Variants in PPIE observed in about 807,000 individuals in gnomAD.
The protein encoded by PPIE is peptidylprolyl isomerase E.
PPIE carries 20 observed loss-of-function variants against 38.4 expected under a neutral mutation model. The ratio of observed to expected loss-of-function variants is 0.52; its 90% CI spans 0.37 to 0.76. PPIE has a LOEUF of 0.76. PPIE is among the 30% of genes least tolerant of loss of function. PPIE has a pLI of 0.00. For synonymous variants in PPIE, 142 were observed against 135.7 expected (o/e 1.05, Z -0.32); for missense variants, 322 against 385.8 (o/e 0.83, Z 1.39).
At position 39,756,307 on chromosome 1, in the gene PPIE, A is replaced by G. The variant is rs1234888942; in HGVS notation, c.*2952A>G. 2.9e-5 allele frequency: 29 copies of G among 985,202 alleles called. No individual in the cohort carries two copies. The highest frequency in any genetic ancestry group is 3.5e-5 in the African/African-American group (2 of 57,194). 61.0% of individuals were successfully genotyped at this position (985,202 alleles called of 1,614,324 possible). ...ACTGGCCTCCCCATTCCACATTCCC[A>G]TTGCTGGACCAGCACCAGGACTGGG... On this transcript the variant is annotated 3_prime_UTR_variant, in exon 10 of 10. Coordinates refer to ENST00000324379, the MANE Select transcript of PPIE (RefSeq NM_006112.4).
chr1:39,743,127 CA>C, intron 4 of PPIE, 88 bp from the exon 5 acceptor site: 6 of 1,159,312 alleles, frequency 5.2e-6, no homozygotes, highest in Non-Finnish European at 7.7e-6. Flanking sequence ...GAGGACAAAT[CA>C]TGAGTGTGTC....
chr1:39,744,243 T>A (rs929526419), intron 6 of PPIE, among the ~76,000 whole-genome samples: 1 of 152,232 alleles, frequency 6.6e-6, no homozygotes, highest in Non-Finnish European at 1.5e-5. Flanking sequence ...TCACCCCTCC[T>A]GATCAGTCCC....
rs1252131975 is a variant in PPIE at position 39,755,769 on chromosome 1, C to T, written c.*2414C>T. ...TTGGAGCCATTGGGTGTGGACTCCT[C>T]TCCCAGTGTTCCTCCTGGGTGTTCA... On this transcript the variant is annotated 3_prime_UTR_variant, in exon 10 of 10. Transcript: ENST00000324379. The T allele has an allele frequency of 1.2e-5, 12 of 985,270 alleles. No homozygotes were observed. The highest frequency in any genetic ancestry group is 1.4e-5 in the Non-Finnish European group (12 of 829,910). 61.0% of individuals were successfully genotyped at this position (985,270 alleles called of 1,614,324 possible). A position where few individuals can be genotyped will look rare whatever the true frequency, so the allele number is the denominator to read the frequency against.
chr1:39,738,969 C>G, intron 1 of PPIE, 38 bp downstream of exon 1: 1 of 1,428,672 alleles, frequency 7.0e-7, no homozygotes. Context: ...TCTGAGTGAA[C>G]GCGACCCCCA....
chr1:39,755,969 G>C lies in PPIE; in HGVS notation c.*2614G>C. On this transcript the variant is annotated 3_prime_UTR_variant, in exon 10 of 10. Coordinates refer to ENST00000324379, the MANE Select transcript of PPIE (RefSeq NM_006112.4). ...TTACTAGGCTTTAGCCTCAATCTGT[G>C]GCGGCAGGGTCCACAGCCCTGGGGA... is the stretch of plus-strand genomic sequence containing the variant. The C allele has an allele frequency of 2.0e-6, 2 of 985,382 alleles. No homozygotes were observed. The highest frequency in any genetic ancestry group is 2.4e-6 in the Non-Finnish European group (2 of 829,916). 61.0% of individuals were successfully genotyped at this position (985,382 alleles called of 1,614,324 possible). A position where few individuals can be genotyped will look rare whatever the true frequency, so the allele number is the denominator to read the frequency against.
intron 3 of PPIE, 135 bp downstream of exon 3, chr1:39,741,544 T>C (rs1569633620): frequency 2.2e-6 from 2 of 925,168 alleles, no homozygotes; most frequent in East Asian, 4.8e-5. Flanking sequence ...GTAAGTGCTG[T>C]TCTAAGGAAA....
chr1:39,748,879 C>A (rs752957061), intron 7 of PPIE, 24 bp from the exon 8 acceptor site: 1 of 1,602,530 alleles, frequency 6.2e-7, no homozygotes, highest in Middle Eastern at 1.9e-4. Flanking sequence ...TTAACCCCAG[C>A]GCTTTTTCCT....
chr1:39,761,829 A>G (rs79228949), intron 9 of PPIE, among the ~76,000 whole-genome samples: 10,153 of 152,282 alleles, frequency 0.067, 372 homozygotes, highest in Middle Eastern at 0.16. Flanking sequence ...CGTCACCTCC[A>G]CGGTTGTTTT....
chr1:39,752,846 C>T lies in PPIE; in HGVS notation c.695-64C>T. On this transcript the variant is annotated intron_variant, in intron 8 of 9. Coordinates refer to ENST00000324379, the MANE Select transcript of PPIE (RefSeq NM_006112.4). ...TGGCTGAAGGGCTGTCAACAGCCTG[C>T]ACAGACGTCCTTTAAGGGCTGGTAG... 4 of 1,568,048 alleles carry T rather than the reference C, an allele frequency of 2.6e-6. No individual in the cohort carries two copies. The South Asian group carries it at 4.8e-5, about 19-fold the overall frequency.
intron 9 of PPIE, chr1:39,763,254 T>C: frequency 6.6e-7 from 1 of 1,525,696 alleles, no homozygotes; most frequent in Non-Finnish European, 9.0e-7. Context: ...TCCCTGAGCC[T>C]CAGGGCCCAA....
chr1:39,756,988 G>C (rs7553968), downstream of PPIE, among the ~76,000 whole-genome samples: 19,849 of 152,174 alleles, frequency 0.13, 1,346 homozygotes, highest in East Asian at 0.16. Flanking sequence ...CAAGACACCT[G>C]GTGGGTACAG....
chr1:39,739,542 CATG>C (rs1647006184), intron 1 of PPIE, among the ~76,000 whole-genome samples: 1 of 152,288 alleles, frequency 6.6e-6, no homozygotes, highest in Non-Finnish European at 1.5e-5. Context: ...GAGGATGGAT[CATG>C]ATAATATGGG....
chr1:39,763,330 C>T (rs1420032047), intron 9 of PPIE: 4 of 961,060 alleles, frequency 4.2e-6, no homozygotes, highest in African/African-American at 3.4e-5. Context: ...GAACCCCCGG[C>T]AGAAAAGGCT....
At chr1:39,739,056 G>A in intron 1 of PPIE, 125 bp downstream of exon 1, 1 of 1,110,098 alleles carries the variant, frequency 9.0e-7, no homozygotes, top group Non-Finnish European at 1.2e-6. Flanking sequence ...GTCTCTGGCG[G>A]TAGTGCTGGC....
Position 39,740,268 on chromosome 1 carries a change from G to A in PPIE, c.130+5G>A, listed in dbSNP as rs1647025032. 6.2e-7 allele frequency: 1 copy of A among 1,607,516 alleles called. No homozygotes were observed. The highest frequency in any genetic ancestry group is 8.5e-7 in the Non-Finnish European group (1 of 1,174,578). ...TTCCTCTGGATTATGAAACAGGTGA[G>A]TTAGTGTCTCTCACGTTCAGAATCC... is the stretch of plus-strand genomic sequence containing the variant. On this transcript the variant is annotated splice_donor_5th_base_variant and intron_variant, in intron 2 of 9. Transcript: ENST00000324379.
intron 8 of PPIE, among the ~76,000 whole-genome samples, chr1:39,751,977 C>T (rs915917107): frequency 6.6e-6 from 1 of 152,054 alleles, no homozygotes; most frequent in Non-Finnish European, 1.5e-5. Flanking sequence ...GTGGTGCACG[C>T]CTGTAGTCTC....
intron 1 of PPIE, 126 bp downstream of exon 1, chr1:39,739,057 T>C: frequency 6.4e-6 from 7 of 1,093,190 alleles, no homozygotes; most frequent in Non-Finnish European, 8.4e-6. Flanking sequence ...TCTCTGGCGG[T>C]AGTGCTGGCG....
rs774213032 is a variant in PPIE at position 39,745,458 on chromosome 1, C to A, written c.468C>A (p.Ile156=). 2 of 1,614,262 alleles carry A rather than the reference C, an allele frequency of 1.2e-6. No individual in the cohort carries two copies. Among genetic ancestry groups the A allele is most frequent in the East Asian group, 2.2e-5 (1 of 44,882 alleles). The change falls in exon 7 of 10, where the codon ATC becomes ATA. Residue 156 remains isoleucine, a synonymous_variant. Transcript: ENST00000324379. ...IKIGNKPAGR[I]QMLLRSDVVP... is the part of the protein sequence containing the mutation. ...TTGGGAACAAGCCGGCTGGCCGCATCCAGATGCTCCTGCGTTCTGATGTCG... is the reference window on the plus strand; with the variant it reads ...TTGGGAACAAGCCGGCTGGCCGCATACAGATGCTCCTGCGTTCTGATGTCG...
chr1:39,752,940 A>T lies in PPIE; in HGVS notation c.725A>T (p.Asn242Ile). 2 of 1,614,084 alleles carry T rather than the reference A, an allele frequency of 1.2e-6. No individual in the cohort carries two copies. The highest frequency in any genetic ancestry group is 1.7e-6 in the Non-Finnish European group (2 of 1,179,972). Reference sequence around the variant, plus strand: ...CTATCCATGGCCAACTCTGGCCCAAACACCAATGGCTCTCAGTTCTTCCTG... The same window carrying T: ...CTATCCATGGCCAACTCTGGCCCAATCACCAATGGCTCTCAGTTCTTCCTG... ...GLLSMANSGPNTNGSQFFLTC... is the reference protein window; with the variant it reads ...GLLSMANSGPITNGSQFFLTC... The change falls in exon 9 of 10, where the codon AAC (asparagine) becomes ATC (isoleucine). Residue 242 changes from asparagine to isoleucine, a missense_variant. Coordinates refer to ENST00000324379, the MANE Select transcript of PPIE (RefSeq NM_006112.4).
Sources: gnomAD v4.1 joint callset for allele counts (sites outside exome capture counted in the v4.1 genomes callset) on GRCh38, gnomAD v4.1.1 for gene constraint, MANE v1.5 for transcripts, NCBI Gene and HGNC (gene_info 2026-07-23, HGNC 2026-07-21) for gene names.